The following TSHZ2 variants were observed in gnomAD, a reference collection of about 807,000 sequenced individuals.
The protein encoded by TSHZ2 is teashirt homolog 2.
In TSHZ2, 21 loss-of-function variants were observed where a neutral mutation model predicts 74.4. That is an observed-to-expected ratio of 0.28 (90% CI 0.20 to 0.41). The LOEUF (loss-of-function observed/expected upper bound fraction) is 0.41. Among genes scored for constraint, TSHZ2 ranks in the 10% least tolerant of loss-of-function variants. The pLI is 1.00. For synonymous variants in TSHZ2, 540 were observed against 515.3 expected (o/e 1.05, Z -0.65); for missense variants, 1,244 against 1,293.5 (o/e 0.96, Z 0.59).
intron 1 of TSHZ2, among the ~76,000 whole-genome samples, chr20:53,252,976 A>G (rs1453407992): frequency 6.6e-6 from 1 of 152,240 alleles, no homozygotes; most frequent in Non-Finnish European, 1.5e-5. Context: ...CTATCAAAAA[A>G]TATAATGGCT....
intron 2 of TSHZ2, among the ~76,000 whole-genome samples, chr20:53,329,395 C>T (rs1276254309): frequency 1.3e-5 from 2 of 152,144 alleles, no homozygotes; most frequent in African/African-American, 2.4e-5. Context: ...TGTATGGGGG[C>T]GGTGATTATA....
In TSHZ2 at chr20:53,491,419, C is replaced by A. The variant is rs1324803430; in HGVS notation, c.*4284C>A. ...AAAGAGATACAAATTTCCATCCCCCCAGACAGAGAGACATATTTCCATTGT... is the reference window on the plus strand; with the variant it reads ...AAAGAGATACAAATTTCCATCCCCCAAGACAGAGAGACATATTTCCATTGT... On this transcript the variant is annotated 3_prime_UTR_variant, in exon 3 of 3. Transcript: ENST00000371497. 4 of 152,158 alleles carry A rather than the reference C, an allele frequency of 2.6e-5. No homozygotes were observed. Among genetic ancestry groups the A allele is most frequent in the African/African-American group, 4.8e-5 (2 of 41,432 alleles). 9.4% of individuals were successfully genotyped at this position (152,158 alleles called of 1,614,324 possible). A position where few individuals can be genotyped will look rare whatever the true frequency, so the allele number is the denominator to read the frequency against.
intron 2 of TSHZ2, among the ~76,000 whole-genome samples, chr20:53,447,289 A>G (rs1156232180): frequency 6.6e-6 from 1 of 152,224 alleles, no homozygotes; most frequent in Non-Finnish European, 1.5e-5. Context: ...TGGTGCAAGA[A>G]GGAGAAACTG....
At chr20:53,345,908 G>A (rs950405577) in intron 2 of TSHZ2, among the ~76,000 whole-genome samples, 1 of 152,086 alleles carries the variant, frequency 6.6e-6, no homozygotes, top group Non-Finnish European at 1.5e-5. Context: ...AGCCCCTGGG[G>A]CCATGGCGCT....
At chr20:53,107,651 A>T (rs1333830125) in intron 1 of TSHZ2, among the ~76,000 whole-genome samples, 1 of 152,188 alleles carries the variant, frequency 6.6e-6, no homozygotes, top group African/African-American at 2.4e-5. Context: ...AGTAGTTGTC[A>T]TAATTATAGT....
intron 2 of TSHZ2, among the ~76,000 whole-genome samples, chr20:53,343,818 C>A (rs1384906072): frequency 6.6e-6 from 1 of 152,144 alleles, no homozygotes; most frequent in Non-Finnish European, 1.5e-5. Context: ...AGGCTGGGCC[C>A]CAGGTGATCC....
In TSHZ2 at chr20:53,487,437, C is replaced by T. The variant is rs1986320748; in HGVS notation, c.*302C>T. 6.6e-6 allele frequency: 1 copy of T among 152,020 alleles called. No homozygotes were observed. The highest frequency in any genetic ancestry group is 2.4e-5 in the African/African-American group (1 of 41,384). 9.4% of individuals were successfully genotyped at this position (152,020 alleles called of 1,614,324 possible). ...GTCTCCACAGTACCCTTTTCACTGT[C>T]ACAAGAAAACAAAGTGCCACCGAAG... On this transcript the variant is annotated 3_prime_UTR_variant, in exon 3 of 3. Transcript: ENST00000371497.
At chr20:53,271,420 C>T (rs1302338840) in intron 2 of TSHZ2, among the ~76,000 whole-genome samples, 1 of 152,244 alleles carries the variant, frequency 6.6e-6, no homozygotes, top group East Asian at 1.9e-4. Flanking sequence ...TGTAGAAGTC[C>T]TCAATTAACA....
chr20:53,054,753 T>C (rs1483240039), intron 1 of TSHZ2, among the ~76,000 whole-genome samples: 1 of 152,148 alleles, frequency 6.6e-6, no homozygotes, highest in Non-Finnish European at 1.5e-5. Context: ...TTTTCTCCCT[T>C]ATGTTAGGGT....
intron 1 of TSHZ2, among the ~76,000 whole-genome samples, chr20:53,159,638 TA>T (rs1886910752): frequency 6.7e-6 from 1 of 149,282 alleles, no homozygotes; most frequent in Admixed American, 6.8e-5. Flanking sequence ...ATGAATGATT[TA>T]AAAAACAGGA....
chr20:53,027,312 T>A (rs1229332018), intron 1 of TSHZ2, among the ~76,000 whole-genome samples: 1 of 152,238 alleles, frequency 6.6e-6, no homozygotes, highest in South Asian at 2.1e-4. Context: ...TATCCATATA[T>A]GCTCATATAT....
At chr20:53,048,289 A>C (rs1373587853) in intron 1 of TSHZ2, among the ~76,000 whole-genome samples, 1 of 152,110 alleles carries the variant, frequency 6.6e-6, no homozygotes, top group Non-Finnish European at 1.5e-5. Context: ...CCACCTACTT[A>C]CATTTTTAAA....
At chr20:53,270,417 G>A (rs1990810961) in intron 2 of TSHZ2, among the ~76,000 whole-genome samples, 1 of 152,104 alleles carries the variant, frequency 6.6e-6, no homozygotes, top group African/African-American at 2.4e-5. Flanking sequence ...AAGGAACTAT[G>A]ATTGCACCCA....
Position 53,493,108 on chromosome 20 carries a change from T to C in TSHZ2, c.*5973T>C, listed in dbSNP as rs1986490482. 1.3e-5 allele frequency: 2 copies of C among 152,242 alleles called. No individual in the cohort carries two copies. Among genetic ancestry groups the C allele is most frequent in the Admixed American group, 1.3e-4 (2 of 15,284 alleles). The allele number at this position is 152,242 out of a possible 1,614,324, so 9.4% of individuals were successfully genotyped here. On this transcript the variant is annotated 3_prime_UTR_variant, in exon 3 of 3. Coordinates refer to ENST00000371497, the MANE Select transcript of TSHZ2 (RefSeq NM_173485.6). ...CTTCCGTGCATTTTTATAGTGTACA[T>C]ATTTGTATATACTAACTATATCGCC...
At position 53,494,830 on chromosome 20, in the gene TSHZ2, G is replaced by A. The variant is rs1188731409; in HGVS notation, c.*7695G>A. 2 of 149,762 alleles carry A rather than the reference G, an allele frequency of 1.3e-5. No homozygotes were observed. The highest frequency in any genetic ancestry group is 4.9e-5 in the African/African-American group (2 of 40,622). 9.3% of individuals were successfully genotyped at this position (149,762 alleles called of 1,614,324 possible). On this transcript the variant is annotated 3_prime_UTR_variant, in exon 3 of 3. Coordinates refer to ENST00000371497, the MANE Select transcript of TSHZ2 (RefSeq NM_173485.6). ...TTTATACATGATAACTCTTGCCTTT[G>A]TGTTGAAAAAAAAAAAGTCTCTTTT...
At chr20:52,986,413 A>G (rs2122896442) in intron 1 of TSHZ2, among the ~76,000 whole-genome samples, 1 of 144,450 alleles carries the variant, frequency 6.9e-6, no homozygotes, top group South Asian at 2.3e-4. Context: ...AAAAAAAAAA[A>G]AAAAAGAAAG....
At chr20:53,341,891 A>G (rs1980219178) in intron 2 of TSHZ2, among the ~76,000 whole-genome samples, 1 of 152,122 alleles carries the variant, frequency 6.6e-6, no homozygotes, top group Admixed American at 6.5e-5. Flanking sequence ...TTGTATTTTT[A>G]GTAGAGAAGG....
intron 2 of TSHZ2, among the ~76,000 whole-genome samples, chr20:53,276,797 G>A (rs560211724): frequency 6.6e-6 from 1 of 152,240 alleles, no homozygotes; most frequent in Non-Finnish European, 1.5e-5. Context: ...TTGGTCCGGG[G>A]ACCACACGTT....
intron 2 of TSHZ2, among the ~76,000 whole-genome samples, chr20:53,445,428 T>G (rs1019020120): frequency 1.3e-5 from 2 of 152,108 alleles, no homozygotes; most frequent in Non-Finnish European, 2.9e-5. Context: ...CCCATGTGAG[T>G]GATAAGCAAT....
Sources: allele counts gnomAD v4.1 joint callset (sites outside exome capture counted in the v4.1 genomes callset), GRCh38; gene constraint gnomAD v4.1.1; transcripts MANE v1.5; gene names NCBI Gene and HGNC (gene_info 2026-07-23, HGNC 2026-07-21).